Variants in ST8SIA5 observed in about 807,000 individuals in gnomAD.
The protein encoded by ST8SIA5 is ST8 alpha-N-acetyl-neuraminide alpha-2,8-sialyltransferase 5.
A neutral mutation model predicts 40.2 loss-of-function variants in ST8SIA5; 24 were observed. The ratio of observed to expected loss-of-function variants is 0.60; its 90% CI spans 0.43 to 0.84. The LOEUF is 0.84. ST8SIA5 is among the 40% of genes least tolerant of loss of function. The probability of loss-of-function intolerance (pLI) is 0.00; values close to 1 mark genes in which losing one functional copy is unlikely to be tolerated. For missense variants in ST8SIA5, 465 were observed against 498.5 expected, an observed-to-expected ratio of 0.93 and a Z score of 0.64; for synonymous variants, 198 against 201.8, an observed-to-expected ratio of 0.98 and a Z score of 0.16.
At chr18:46,685,824 G>T (rs1443430138) in intron 5 of ST8SIA5, 2 of 268,966 alleles carry the variant, frequency 7.4e-6, no homozygotes, top group Admixed American at 8.6e-5. Context: ...AGGCTTCCCT[G>T]GTTCCAACCA....
chr18:46,712,279 C>T (rs1167004794), intron 1 of ST8SIA5, among the ~76,000 whole-genome samples: 1 of 152,304 alleles, frequency 6.6e-6, no homozygotes, highest in East Asian at 1.9e-4. Flanking sequence ...TTCTCATGGA[C>T]TTTGACCACC....
chr18:46,696,520 C>T (rs2039558299), intron 2 of ST8SIA5, among the ~76,000 whole-genome samples: 1 of 152,272 alleles, frequency 6.6e-6, no homozygotes, highest in Admixed American at 6.5e-5. Flanking sequence ...GACACCCAGC[C>T]TTGAATCCTG....
chr18:46,698,847 G>T (rs190097914), intron 2 of ST8SIA5, among the ~76,000 whole-genome samples: 1 of 152,206 alleles, frequency 6.6e-6, no homozygotes, highest in Non-Finnish European at 1.5e-5. Context: ...ATGCCTGACC[G>T]ATGGAGAGGC....
rs548407929 is a variant in ST8SIA5 at position 46,673,601 on chromosome 18, A to T, written c.*6441T>A. 1.3e-5 allele frequency: 2 copies of T among 152,284 alleles called. No homozygotes were observed. The highest frequency in any genetic ancestry group is 3.9e-4 in the East Asian group (2 of 5,122). 9.4% of individuals were successfully genotyped at this position (152,284 alleles called of 1,614,324 possible). ...ACAAGCACCCAGGTGATTCTGATGC[A>T]GGCCATCAGAAGGCCATCCTACAGG... is the stretch of plus-strand genomic sequence containing the variant. On this transcript the variant is annotated 3_prime_UTR_variant, in exon 7 of 7. Coordinates refer to ENST00000315087, the MANE Select transcript of ST8SIA5 (RefSeq NM_013305.6).
chr18:46,682,926 A>G (rs1344201730), intron 5 of ST8SIA5, among the ~76,000 whole-genome samples: 2 of 152,372 alleles, frequency 1.3e-5, no homozygotes, highest in Admixed American at 6.5e-5. Flanking sequence ...GCCTCCAGAA[A>G]GGAATGCAGT....
At chr18:46,689,023 C>T (rs1301382674) in intron 3 of ST8SIA5, 104 bp from the exon 4 acceptor site, 3 of 1,384,428 alleles carry the variant, frequency 2.2e-6, no homozygotes, top group Non-Finnish European at 2.9e-6. Flanking sequence ...CGAGGCCTCT[C>T]CTGCTCACCT....
At chr18:46,724,044 T>C (rs1238904512) in intron 1 of ST8SIA5, among the ~76,000 whole-genome samples, 1 of 152,220 alleles carries the variant, frequency 6.6e-6, no homozygotes, top group African/African-American at 2.4e-5. Flanking sequence ...GATCCATCCA[T>C]ATCTCCACTA....
intron 1 of ST8SIA5, among the ~76,000 whole-genome samples, chr18:46,735,657 G>A (rs2040026898): frequency 6.6e-6 from 1 of 152,138 alleles, no homozygotes; most frequent in African/African-American, 2.4e-5. Flanking sequence ...CTGTTGCCCA[G>A]GCTGGAATGT....
rs114874474 is a variant in ST8SIA5 at position 46,690,452 on chromosome 18, C to T, written c.312-1533G>A. Among the ~76,000 whole-genome samples the T allele has an allele frequency of 4.2e-3, 633 of 152,256 alleles. 3 individuals are homozygous for T. The highest frequency in any genetic ancestry group is 0.015 in the African/African-American group (615 of 41,536). ...GGCCTGATGTCACTGCCTTTTCTCACACCTGAAACTGCTCCACACCCCTCA... is the reference window on the plus strand; with the variant it reads ...GGCCTGATGTCACTGCCTTTTCTCATACCTGAAACTGCTCCACACCCCTCA... On this transcript the variant is annotated intron_variant, in intron 3 of 6. Coordinates refer to ENST00000315087, the MANE Select transcript of ST8SIA5 (RefSeq NM_013305.6).
intron 6 of ST8SIA5, among the ~76,000 whole-genome samples, chr18:46,681,342 C>A (rs1250318293): frequency 2.6e-5 from 4 of 152,162 alleles, no homozygotes; most frequent in Non-Finnish European, 5.9e-5. Flanking sequence ...CTCTTCCCGC[C>A]CCTTAAATAG....
intron 2 of ST8SIA5, 50 bp downstream of exon 2, chr18:46,704,522 T>G: frequency 1.9e-4 from 121 of 621,876 alleles, no homozygotes; most frequent in Non-Finnish European, 2.7e-4. Context: ...CCCCAACCCC[T>G]GCCCCACCTC....
intron 5 of ST8SIA5, among the ~76,000 whole-genome samples, chr18:46,684,997 G>A (rs966633990): frequency 1.3e-5 from 2 of 152,140 alleles, no homozygotes; most frequent in Admixed American, 6.5e-5. Flanking sequence ...ACCTGGAAGC[G>A]CAGTTGCCGG....
chr18:46,707,694 C>G (rs2039683418), intron 1 of ST8SIA5, among the ~76,000 whole-genome samples: 2 of 152,176 alleles, frequency 1.3e-5, no homozygotes, highest in Non-Finnish European at 2.9e-5. Flanking sequence ...GAGATCCTAA[C>G]AGGCAAGGTA....
chr18:46,735,779 A>AT lies in ST8SIA5; in HGVS notation c.131+20598dup, dbSNP rs11287743. Among the ~76,000 whole-genome samples, 101 of 145,226 alleles carry AT rather than the reference A, an allele frequency of 7.0e-4. 2 individuals are homozygous for AT. The highest frequency in any genetic ancestry group is 1.2e-3 in the African/African-American group (48 of 39,732). On this transcript the variant is annotated intron_variant, in intron 1 of 6. Transcript: ENST00000315087. ...AGGCATGCACCACCACACCTGGATAATTTTTTTTTTTTTCGTACAGACAGG... is the reference window on the plus strand; with the variant it reads ...AGGCATGCACCACCACACCTGGATAATTTTTTTTTTTTTTCGTACAGACAGG...
chr18:46,685,999 C>T (rs1048167258), intron 5 of ST8SIA5, 175 bp downstream of exon 5: 3 of 634,574 alleles, frequency 4.7e-6, no homozygotes, highest in Non-Finnish European at 8.4e-6. Flanking sequence ...AGGAGTTCAA[C>T]GACTTCCCCA....
intron 1 of ST8SIA5, among the ~76,000 whole-genome samples, chr18:46,706,265 C>T (rs1234470496): frequency 2.0e-5 from 3 of 152,040 alleles, no homozygotes; most frequent in Non-Finnish European, 2.9e-5. Context: ...AGAATTTAGA[C>T]CAAGTTAATA....
Position 46,688,931 on chromosome 18 carries a change from G to A in ST8SIA5, c.312-12C>T. On this transcript the variant is annotated splice_polypyrimidine_tract_variant and intron_variant, in intron 3 of 6. Transcript: ENST00000315087. Reference sequence around the variant, plus strand: ...TGGACAGAGTAGACCTGCCAGGCAGGGAGACAGGCAGGAAAGACGTGATGC... The same window carrying A: ...TGGACAGAGTAGACCTGCCAGGCAGAGAGACAGGCAGGAAAGACGTGATGC... The A allele has an allele frequency of 6.2e-7, 1 of 1,604,674 alleles. No individual in the cohort carries two copies. The highest frequency in any genetic ancestry group is 1.1e-5 in the South Asian group (1 of 89,796).
rs2039309306 is a variant in ST8SIA5 at position 46,671,531 on chromosome 18, TG to T, written c.*8510del. The T allele has an allele frequency of 6.6e-6, 1 of 152,238 alleles. No homozygotes were observed. Among genetic ancestry groups the T allele is most frequent in the Admixed American group, 6.5e-5 (1 of 15,278 alleles). The allele number at this position is 152,238 out of a possible 1,614,324, so 9.4% of individuals were successfully genotyped here. A position where few individuals can be genotyped will look rare whatever the true frequency, so the allele number is the denominator to read the frequency against. On this transcript the variant is annotated 3_prime_UTR_variant, in exon 7 of 7. Coordinates refer to ENST00000315087, the MANE Select transcript of ST8SIA5 (RefSeq NM_013305.6). ...CCTCCCCATGCTAGAGGGCCAAGTG[TG>T]TGGTACTCAGATCCTACCCAGCGCC... is the stretch of plus-strand genomic sequence containing the variant.
intron 1 of ST8SIA5, among the ~76,000 whole-genome samples, chr18:46,753,858 G>A (rs999009177): frequency 3.3e-5 from 5 of 152,156 alleles, no homozygotes; most frequent in African/African-American, 1.2e-4. Flanking sequence ...AGCAGGAGGA[G>A]CTTGTTGCAG....
Sources: allele counts gnomAD v4.1 joint callset (sites outside exome capture counted in the v4.1 genomes callset), GRCh38; gene constraint gnomAD v4.1.1; transcripts MANE v1.5; gene names NCBI Gene and HGNC (gene_info 2026-07-23, HGNC 2026-07-21).